The following CEP44 variants were observed in gnomAD, a reference collection of about 807,000 sequenced individuals.
The protein encoded by CEP44 is centrosomal protein of 44 kDa.
A neutral mutation model predicts 46.7 loss-of-function variants in CEP44; 45 were observed. The ratio of observed to expected loss-of-function variants is 0.96; its 90% CI spans 0.76 to 1.24. The LOEUF (loss-of-function observed/expected upper bound fraction) is 1.24, where lower values mean the gene tolerates loss of function less well. CEP44 is among the 50% of genes most tolerant of loss of function. CEP44 has a pLI of 0.00. For missense variants in CEP44, 475 were observed against 459.7 expected, an observed-to-expected ratio of 1.03 and a Z score of -0.30; for synonymous variants, 142 against 146.0, an observed-to-expected ratio of 0.97 and a Z score of 0.20.
chr4:174,313,707 C>A (rs1187882790), intron 9 of CEP44, among the ~76,000 whole-genome samples: 1 of 152,016 alleles, frequency 6.6e-6, no homozygotes, highest in African/African-American at 2.4e-5. Context: ...GGATAAAGAG[C>A]AGGTGATTTA....
Position 174,304,245 on chromosome 4 carries a change from A to G in CEP44, c.385-2A>G. ...TATTTTGACTAATACCTTTTTTTTT[A>G]GATTCCATCACAACAAAGAAAGAAA... On this transcript the variant is annotated splice_acceptor_variant, in intron 5 of 11. Transcript: ENST00000503780. LOFTEE classifies it high-confidence loss of function. 1.3e-6 allele frequency: 2 copies of G among 1,573,158 alleles called. No homozygotes were observed. Among genetic ancestry groups the G allele is most frequent in the Non-Finnish European group, 1.7e-6 (2 of 1,168,792 alleles).
rs1488687493 is a variant in CEP44 at position 174,299,125 on chromosome 4, G to A, written c.4G>A (p.Ala2Thr). ...GAGCTGAATCTGATGTTAAGTAATG[G>A]CAACAGGTGACTTAAAAAGAAGCTT... M[A>T]TGDLKRSLRN... Residue 2 changes from alanine (A) to threonine (T), a missense_variant, in exon 3 of 12, where the codon GCA becomes ACA. Ala to Thr is a moderately conservative substitution (Grantham distance 58). Transcript: ENST00000503780. The A allele has an allele frequency of 6.2e-7, 1 of 1,610,736 alleles. No homozygotes were observed. The highest frequency in any genetic ancestry group is 1.1e-5 in the South Asian group (1 of 90,068).
chr4:174,324,028 C>G (rs1366726425), downstream of CEP44, among the ~76,000 whole-genome samples: 1 of 152,178 alleles, frequency 6.6e-6, no homozygotes, highest in Non-Finnish European at 1.5e-5. Context: ...ACAAACAAGG[C>G]AAGTTAAGTT....
At position 174,319,591 on chromosome 4, in the gene CEP44, C is replaced by G; in HGVS notation, c.*2208C>G. The G allele has an allele frequency of 1.4e-6, 1 of 733,978 alleles. No individual in the cohort carries two copies. The highest frequency in any genetic ancestry group is 1.7e-6 in the Non-Finnish European group (1 of 600,622). 45.5% of individuals were successfully genotyped at this position (733,978 alleles called of 1,614,324 possible). ...AAGGGACTTAAAACATTTCTAATCT[C>G]CTAGTTTATATACAGTGTGCAAAAT... is the stretch of plus-strand genomic sequence containing the variant. On this transcript the variant is annotated 3_prime_UTR_variant, in exon 12 of 12. Coordinates refer to ENST00000503780, the MANE Select transcript of CEP44 (RefSeq NM_001040157.3).
At position 174,316,171 on chromosome 4, in the gene CEP44, A is replaced by C. The variant is rs1318207363; in HGVS notation, c.967A>C (p.Lys323Gln). 2 of 1,611,442 alleles carry C rather than the reference A, an allele frequency of 1.2e-6. No individual in the cohort carries two copies. The highest frequency in any genetic ancestry group is 1.7e-6 in the Non-Finnish European group (2 of 1,179,426). ...AAAACTTAATTTCTTCACAGACAGA[A>C]AAAGCGAAGTAGAGAGGCCAGCAAG... The part of the protein sequence containing the change: ...SDMDLLNPHR[K>Q]SEVERPASIP... Residue 323 changes from lysine (K) to glutamine (Q), a missense_variant, in exon 10 of 12, where the codon AAA becomes CAA. By Grantham distance (53) the Lys-to-Gln change is moderately conservative. Coordinates refer to ENST00000503780, the MANE Select transcript of CEP44 (RefSeq NM_001040157.3).
At chr4:174,300,132 A>G (rs1159173919) in intron 3 of CEP44, among the ~76,000 whole-genome samples, 1 of 152,176 alleles carries the variant, frequency 6.6e-6, no homozygotes, top group Non-Finnish European at 1.5e-5. Flanking sequence ...GGAAACTTGT[A>G]AGTAGAATCC....
chr4:174,302,276 C>T, intron 4 of CEP44, 90 bp downstream of exon 4: 1 of 757,934 alleles, frequency 1.3e-6, no homozygotes, highest in Non-Finnish European at 2.2e-6. Flanking sequence ...ATATATGCAG[C>T]ATATACAATT....
At chr4:174,292,962 G>A (rs1055894331) in intron 1 of CEP44, among the ~76,000 whole-genome samples, 7 of 152,014 alleles carry the variant, frequency 4.6e-5, no homozygotes, top group African/African-American at 1.7e-4. Context: ...GTCTTTCATT[G>A]GTGTCTGTAC....
chr4:174,325,946 A>G lies in CEP44; in HGVS notation c.1087-5536A>G, dbSNP rs1035771844. On this transcript the variant is annotated intron_variant, in intron 8 of 8. Transcript: ENST00000426172. This position sits in a 1 kb window ranked among gnomAD's most constrained non-coding sequence, Gnocchi z 4.4. ...TTTATTTCCCATCTTTTTACTTTTA[A>G]TGTATCTGAGTCTGTGCATTTAAAG... 1.2e-4 allele frequency among the ~76,000 whole-genome samples: 19 copies of G among 152,076 alleles called. No individual in the cohort carries two copies. The highest frequency in any genetic ancestry group is 4.1e-4 in the African/African-American group (17 of 41,498).
Position 174,326,556 on chromosome 4 carries a change from A to G in CEP44, c.1087-4926A>G, listed in dbSNP as rs1316392830. ...TTAAAAGGTTTAAATAATTTTTTAA[A>G]AGTCTTTTATATGTGCCAACCTATT... On this transcript the variant is annotated intron_variant, in intron 8 of 8. Transcript: ENST00000426172. This position sits in a 1 kb window ranked among gnomAD's most constrained non-coding sequence, Gnocchi z 4.8. Among the ~76,000 whole-genome samples the G allele has an allele frequency of 6.6e-6, 1 of 152,064 alleles. No homozygotes were observed. Among genetic ancestry groups the G allele is most frequent in the African/African-American group, 2.4e-5 (1 of 41,438 alleles).
intron 5 of CEP44, 121 bp downstream of exon 5, chr4:174,303,970 C>T: frequency 2.6e-6 from 2 of 757,544 alleles, no homozygotes; most frequent in South Asian, 2.6e-5. Context: ...CTGTATTATT[C>T]AAAGATTTGA....
rs1158982957 is a variant in CEP44, at chr4:174,319,224, C to T, written c.*1841C>T. On this transcript the variant is annotated 3_prime_UTR_variant, in exon 12 of 12. Transcript: ENST00000503780. The stretch of plus-strand genomic sequence containing the variant: ...GTAAATATTTCCAGAATTAATGAAG[C>T]ATGTTAGCTTTAATTTTTTCAATTG... 9.3e-6 allele frequency: 9 copies of T among 968,094 alleles called. No homozygotes were observed. Among genetic ancestry groups the T allele is most frequent in the Non-Finnish European group, 1.1e-5 (9 of 814,170 alleles). The allele number at this position is 968,094 out of a possible 1,614,324, so 60.0% of individuals were successfully genotyped here.
chr4:174,320,199 A>G lies in CEP44; in HGVS notation c.*2816A>G, dbSNP rs1021438439. On this transcript the variant is annotated 3_prime_UTR_variant, in exon 12 of 12. Transcript: ENST00000503780. ...TTCAGAAGAAGTTAGCATCAACTGTATGAAAATTCTAGGTAAAGCTAAGTA... is the reference window on the plus strand; with the variant it reads ...TTCAGAAGAAGTTAGCATCAACTGTGTGAAAATTCTAGGTAAAGCTAAGTA... 2.0e-6 allele frequency: 2 copies of G among 985,164 alleles called. No homozygotes were observed. The highest frequency in any genetic ancestry group is 3.5e-5 in the African/African-American group (2 of 57,230). The allele number at this position is 985,164 out of a possible 1,614,324, so 61.0% of individuals were successfully genotyped here.
intron 1 of CEP44, among the ~76,000 whole-genome samples, chr4:174,289,964 G>A (rs536693820): frequency 6.6e-6 from 1 of 151,636 alleles, no homozygotes; most frequent in Admixed American, 6.6e-5. Flanking sequence ...TCAGCCTCCC[G>A]AGTAGGTGGG....
In CEP44 at chr4:174,287,748, A is replaced by T. The variant is rs1283574777; in HGVS notation, c.-148+3805A>T. 3.3e-5 allele frequency among the ~76,000 whole-genome samples: 5 copies of T among 152,340 alleles called. No homozygotes were observed. In the South Asian group the frequency reaches 1.0e-3, roughly 32 times the overall value. On this transcript the variant is annotated intron_variant, in intron 1 of 11. Coordinates refer to ENST00000503780, the MANE Select transcript of CEP44 (RefSeq NM_001040157.3). This position sits in a 1 kb window ranked among gnomAD's most constrained non-coding sequence, Gnocchi z 5.1. Reference sequence around the variant, plus strand: ...TTCAAAAGGTACAATTTATTATAGGATAATTATAATTATTTCATGCTGACA... The same window carrying T: ...TTCAAAAGGTACAATTTATTATAGGTTAATTATAATTATTTCATGCTGACA...
chr4:174,322,045 G>A (rs1015677240), downstream of CEP44, among the ~76,000 whole-genome samples: 1 of 152,022 alleles, frequency 6.6e-6, no homozygotes, highest in African/African-American at 2.4e-5. Context: ...ATCATTGTTT[G>A]TTGATATTCA....
At chr4:174,296,704 A>G (rs1461462943) in intron 1 of CEP44, among the ~76,000 whole-genome samples, 1 of 151,328 alleles carries the variant, frequency 6.6e-6, no homozygotes, top group Non-Finnish European at 1.5e-5. Flanking sequence ...TTGTTTGATG[A>G]AGTAGTCTAT....
Position 174,304,232 on chromosome 4 carries a change from T to C in CEP44, c.385-15T>C, listed in dbSNP as rs889662743. Reference sequence around the variant, plus strand: ...ACACAAAATTTGTTATTTTGACTAATACCTTTTTTTTTAGATTCCATCACA... The same window carrying C: ...ACACAAAATTTGTTATTTTGACTAACACCTTTTTTTTTAGATTCCATCACA... On this transcript the variant is annotated splice_polypyrimidine_tract_variant and intron_variant, in intron 5 of 11. Transcript: ENST00000503780. 10 of 1,575,660 alleles carry C rather than the reference T, an allele frequency of 6.3e-6. No homozygotes were observed. The highest frequency in any genetic ancestry group is 8.5e-6 in the Non-Finnish European group (10 of 1,169,948).
intron 1 of CEP44, among the ~76,000 whole-genome samples, chr4:174,291,934 G>C (rs1738280904): frequency 6.6e-6 from 1 of 151,232 alleles, no homozygotes; most frequent in African/African-American, 2.4e-5. Context: ...GGGACTAGAG[G>C]CATGCACCAC....
Sources: gnomAD v4.1 joint callset for allele counts (sites outside exome capture counted in the v4.1 genomes callset) on GRCh38, gnomAD v4.1.1 for gene constraint, Gnocchi (gnomAD v3.1) non-coding constraint, MANE v1.5 for transcripts, NCBI Gene and HGNC (gene_info 2026-07-23, HGNC 2026-07-21) for gene names.